MMD2: variants seen among roughly 807,000 people sequenced by gnomAD.
The protein encoded by MMD2 is monocyte to macrophage differentiation factor 2.
In MMD2, 30 loss-of-function variants were observed where a neutral mutation model predicts 33.5. The observed-to-expected ratio is 0.90, with a 90% CI of 0.67 to 1.22. The LOEUF (loss-of-function observed/expected upper bound fraction) is 1.22, where lower values mean the gene tolerates loss of function less well. MMD2 is among the 50% of genes most tolerant of loss of function. The pLI is 0.00. For synonymous variants in MMD2, 129 were observed against 123.0 expected, an observed-to-expected ratio of 1.05 and a Z score of -0.32; for missense variants, 364 against 325.4, an observed-to-expected ratio of 1.12 and a Z score of -0.91.
At position 4,937,259 on chromosome 7, in the gene MMD2, C is replaced by T. The variant is rs750314917; in HGVS notation, c.48-11727G>A. Among the ~76,000 whole-genome samples, 410 of 151,354 alleles carry T rather than the reference C, an allele frequency of 2.7e-3. 1 individual carries two copies. The highest frequency in any genetic ancestry group is 2.5e-3 in the Non-Finnish European group (169 of 67,850). On this transcript the variant is annotated intron_variant, in intron 1 of 6. Transcript: ENST00000401401. Reference sequence around the variant, plus strand: ...TAAAAATACAAAAATTAGCCAGGCACAGTGGCGCGCACCTGTAATCCCAGC... The same window carrying T: ...TAAAAATACAAAAATTAGCCAGGCATAGTGGCGCGCACCTGTAATCCCAGC...
chr7:4,915,542 G>A (rs1002286517), intron 4 of MMD2, among the ~76,000 whole-genome samples: 2 of 151,754 alleles, frequency 1.3e-5, no homozygotes, highest in Admixed American at 1.3e-4. Context: ...GAGTTCGAGA[G>A]CAGCCTGGCC....
At chr7:4,953,812 C>T (rs531426761) in intron 1 of MMD2, among the ~76,000 whole-genome samples, 7 of 152,254 alleles carry the variant, frequency 4.6e-5, no homozygotes, top group African/African-American at 9.6e-5. Context: ...TATTGAATTA[C>T]TTTGGACTTT....
intron 1 of MMD2, among the ~76,000 whole-genome samples, chr7:4,934,505 G>A (rs989491507): frequency 2.6e-5 from 4 of 152,194 alleles, no homozygotes; most frequent in South Asian, 4.1e-4. Flanking sequence ...AACTTCTCTC[G>A]AAAGAGCCGA....
intron 1 of MMD2, among the ~76,000 whole-genome samples, chr7:4,928,593 T>A (rs1431307967): frequency 6.6e-6 from 1 of 151,258 alleles, no homozygotes; most frequent in Admixed American, 6.6e-5. Flanking sequence ...TAAGTATAGT[T>A]CATGAAGCAT....
the MMD2 span, among the ~76,000 whole-genome samples, chr7:4,898,642 A>T: frequency 6.6e-6 from 1 of 152,176 alleles, no homozygotes; most frequent in Non-Finnish European, 1.5e-5. Context: ...CCCGCCTGTA[A>T]TTGCAGCACT....
intron 1 of MMD2, among the ~76,000 whole-genome samples, chr7:4,952,699 T>C (rs1187812345): frequency 6.7e-6 from 1 of 149,066 alleles, no homozygotes; most frequent in Non-Finnish European, 1.5e-5. Flanking sequence ...ATTTTTTTTT[T>C]TTTTTTTTTT....
intron 1 of MMD2, among the ~76,000 whole-genome samples, chr7:4,948,211 G>T (rs555972381): frequency 1.0e-3 from 158 of 152,254 alleles, no homozygotes; most frequent in African/African-American, 3.5e-3. Flanking sequence ...GCTATGAACT[G>T]CATGTTGGCA....
rs1785017530 is a variant in MMD2 at position 4,911,783 on chromosome 7, G to C, written c.366-537C>G. Among the ~76,000 whole-genome samples the C allele has an allele frequency of 2.0e-5, 3 of 151,896 alleles. No homozygotes were observed. The South Asian group carries it at 6.2e-4, about 32-fold the overall frequency. On this transcript the variant is annotated intron_variant, in intron 4 of 6. Transcript: ENST00000401401. ...CCTGCCTCAGCCTCCTGAGTAGCTG[G>C]GATTACAGGCATGCGCCACCATGCC...
the MMD2 span, among the ~76,000 whole-genome samples, chr7:4,898,635 G>T: frequency 1.3e-5 from 2 of 152,172 alleles, no homozygotes; most frequent in Non-Finnish European, 2.9e-5. Flanking sequence ...AGTGGCTCCC[G>T]CCTGTAATTG....
intron 1 of MMD2, among the ~76,000 whole-genome samples, chr7:4,932,124 G>A (rs146076042): frequency 5.9e-4 from 90 of 152,272 alleles, no homozygotes; most frequent in Non-Finnish European, 1.1e-3. Flanking sequence ...TGGGTCCCAG[G>A]GTGATGTCAC....
At chr7:4,924,287 T>C (rs767367232) in intron 2 of MMD2, among the ~76,000 whole-genome samples, 15 of 152,242 alleles carry the variant, frequency 9.9e-5, no homozygotes, top group African/African-American at 1.4e-4. Context: ...CAGCCACTCC[T>C]TTCTATGACA....
Position 4,946,034 on chromosome 7 carries a change from G to A in MMD2, c.47+12937C>T, listed in dbSNP as rs560274811. Among the ~76,000 whole-genome samples the A allele has an allele frequency of 2.6e-5, 4 of 152,262 alleles. No individual in the cohort carries two copies. Among genetic ancestry groups the A allele is most frequent in the Admixed American group, 6.5e-5 (1 of 15,272 alleles). Reference sequence around the variant, plus strand: ...TGCCTGCTCAGAGAAGATTCCTCTGGAGACGTACACCTCTCTGGGGCAAAA... The same window carrying A: ...TGCCTGCTCAGAGAAGATTCCTCTGAAGACGTACACCTCTCTGGGGCAAAA... On this transcript the variant is annotated intron_variant, in intron 1 of 6. Coordinates refer to ENST00000401401, the MANE Select transcript of MMD2 (RefSeq NM_198403.4). The surrounding 1 kb of genome is among the most constrained non-coding windows in gnomAD (Gnocchi z 5.0).
chr7:4,938,784 C>A (rs1785821374), intron 1 of MMD2, among the ~76,000 whole-genome samples: 1 of 152,122 alleles, frequency 6.6e-6, no homozygotes, highest in South Asian at 2.1e-4. Context: ...TGTTACTTGA[C>A]CAGCTACAAT....
At chr7:4,941,708 ACTG>A (rs1286061268) in intron 1 of MMD2, among the ~76,000 whole-genome samples, 5 of 151,302 alleles carry the variant, frequency 3.3e-5, no homozygotes. Flanking sequence ...ACTTTTTTAA[ACTG>A]CTGTTTTAGG....
chr7:4,950,824 G>A (rs1019106006), intron 1 of MMD2, among the ~76,000 whole-genome samples: 3 of 149,578 alleles, frequency 2.0e-5, no homozygotes, highest in Non-Finnish European at 4.4e-5. Context: ...AGCAATTCTC[G>A]TGCCTCAGCC....
At chr7:4,910,264 T>C (rs1367213967) in intron 5 of MMD2, among the ~76,000 whole-genome samples, 1 of 152,136 alleles carries the variant, frequency 6.6e-6, no homozygotes, top group African/African-American at 2.4e-5. Flanking sequence ...GCTCAGCCCA[T>C]GGTAGACATC....
intron 3 of MMD2, 138 bp from the exon 4 acceptor site, chr7:4,916,217 TG>T: frequency 1.4e-6 from 1 of 692,582 alleles, no homozygotes; most frequent in Non-Finnish European, 2.5e-6. Context: ...CAAGACCCCT[TG>T]GCCCTCAGAA....
At chr7:4,927,176 G>C (rs186663229) in intron 1 of MMD2, among the ~76,000 whole-genome samples, 2 of 152,092 alleles carry the variant, frequency 1.3e-5, no homozygotes, top group African/African-American at 4.8e-5. Context: ...ACTTTTTTGT[G>C]CATATTTTTT....
chr7:4,906,463 G>C lies in MMD2; in HGVS notation c.*933C>G. 1 of 398,648 alleles carries C rather than the reference G, an allele frequency of 2.5e-6. No homozygotes were observed. The allele number at this position is 398,648 out of a possible 1,614,324, so 24.7% of individuals were successfully genotyped here. ...GTTGGCATCACAAACCTTAAGTATG[G>C]AGCAGGGAGCAAGTGCCTGGGGGCT... On this transcript the variant is annotated 3_prime_UTR_variant, in exon 7 of 7. Transcript: ENST00000401401.
Sources: gnomAD v4.1 joint callset for allele counts (sites outside exome capture counted in the v4.1 genomes callset) on GRCh38, gnomAD v4.1.1 for gene constraint, Gnocchi (gnomAD v3.1) non-coding constraint, MANE v1.5 for transcripts, NCBI Gene and HGNC (gene_info 2026-07-23, HGNC 2026-07-21) for gene names.